The following GASK1B variants were observed in gnomAD, a reference collection of about 807,000 sequenced individuals.
GASK1B encodes golgi associated kinase 1B.
A neutral mutation model predicts 42.8 loss-of-function variants in GASK1B; 34 were observed. The ratio of observed to expected loss-of-function variants is 0.79; its 90% confidence interval spans 0.60 to 1.06. The LOEUF is 1.06. Among genes scored for constraint, GASK1B ranks in the 50% least tolerant of loss-of-function variants. The pLI is 0.00. For synonymous variants in GASK1B, 262 were observed against 259.1 expected, an observed-to-expected ratio of 1.01 and a Z score of -0.11; for missense variants, 686 against 661.0, an observed-to-expected ratio of 1.04 and a Z score of -0.42.
At chr4:158,144,319 G>C (rs1056179474) in intron 3 of GASK1B, among the ~76,000 whole-genome samples, 1 of 152,106 alleles carries the variant, frequency 6.6e-6, no homozygotes, top group African/African-American at 2.4e-5. Flanking sequence ...ATTATCTTAA[G>C]TAACATCATC....
At chr4:158,165,947 C>T (rs1732215386) in intron 2 of GASK1B, among the ~76,000 whole-genome samples, 3 of 152,158 alleles carry the variant, frequency 2.0e-5, no homozygotes, top group South Asian at 4.1e-4. Flanking sequence ...ATACATCACA[C>T]TAGATTCTTT....
chr4:158,169,977 T>A, intron 2 of GASK1B: 2 of 452,608 alleles, frequency 4.4e-6, no homozygotes, highest in Non-Finnish European at 7.8e-6. Flanking sequence ...AAAGGGGGGG[T>A]TAAACCTAAC....
intron 3 of GASK1B, among the ~76,000 whole-genome samples, chr4:158,144,909 C>T (rs1011420083): frequency 6.6e-6 from 1 of 152,182 alleles, no homozygotes; most frequent in African/African-American, 2.4e-5. Context: ...ATAAAACCAA[C>T]CCAAACTATT....
intron 3 of GASK1B, among the ~76,000 whole-genome samples, chr4:158,150,365 T>TA (rs11433439): frequency 0.88 from 134,332 of 152,094 alleles, 60,475 homozygotes; most frequent in East Asian, 0.98. Flanking sequence ...AGCAGCCCCT[T>TA]AGAGAATGGG....
At chr4:158,131,665 T>C (rs965737464) in intron 3 of GASK1B, among the ~76,000 whole-genome samples, 1 of 152,152 alleles carries the variant, frequency 6.6e-6, no homozygotes, top group Admixed American at 6.5e-5. Flanking sequence ...ACCAGATTAA[T>C]TAGAAAAAGA....
chr4:158,128,812 C>T (rs1219138863), intron 4 of GASK1B, among the ~76,000 whole-genome samples: 1 of 152,188 alleles, frequency 6.6e-6, no homozygotes, highest in Non-Finnish European at 1.5e-5. Flanking sequence ...TTATAAGATG[C>T]TCTGAGTTCC....
At chr4:158,171,788 AAAC>A (rs1326731777) in intron 1 of GASK1B, among the ~76,000 whole-genome samples, 189 bp from the exon 2 acceptor site, 9 of 152,258 alleles carry the variant, frequency 5.9e-5, no homozygotes, top group African/African-American at 2.2e-4. Flanking sequence ...AAAGTAGTGA[AAAC>A]AAGCCACAAA....
At chr4:158,138,294 G>A (rs560571779) in intron 3 of GASK1B, among the ~76,000 whole-genome samples, 13 of 152,172 alleles carry the variant, frequency 8.5e-5, no homozygotes, top group East Asian at 1.9e-4. Context: ...AGAGATACAT[G>A]AAAATAGTCT....
At chr4:158,133,483 A>G (rs561971845) in intron 3 of GASK1B, among the ~76,000 whole-genome samples, 1 of 152,256 alleles carries the variant, frequency 6.6e-6, no homozygotes, top group Non-Finnish European at 1.5e-5. Flanking sequence ...ACATAACTAC[A>G]TTTGTACTGT....
chr4:158,171,281 G>A lies in GASK1B; in HGVS notation c.95C>T (p.Pro32Leu). 8 of 1,613,820 alleles carry A rather than the reference G, an allele frequency of 5.0e-6. No homozygotes were observed. In the South Asian group the frequency reaches 8.8e-5, roughly 18 times the overall value. ...RVRKLWSSRR[P>L]RTRRNLLLGT... Reference sequence around the variant, plus strand: ...CAGCAGAAGGTTTCTCCGGGTCCTTGGACGCCGGCTGCTCCAGAGCTTACG... The same window carrying A: ...CAGCAGAAGGTTTCTCCGGGTCCTTAGACGCCGGCTGCTCCAGAGCTTACG... Residue 32 changes from proline (P) to leucine (L), a missense_variant, in exon 2 of 5, where the codon CCA becomes CTA. Physicochemically the swap from Pro to Leu is moderately conservative, Grantham distance 98. Coordinates refer to ENST00000585682, the MANE Select transcript of GASK1B (RefSeq NM_001128424.2).
At chr4:158,134,604 A>G (rs1730809783) in intron 3 of GASK1B, among the ~76,000 whole-genome samples, 1 of 152,214 alleles carries the variant, frequency 6.6e-6, no homozygotes, top group African/African-American at 2.4e-5. Flanking sequence ...CTTTCTTAGG[A>G]AAATACATTT....
At chr4:158,157,815 T>G (rs922918081) in intron 2 of GASK1B, among the ~76,000 whole-genome samples, 1 of 152,090 alleles carries the variant, frequency 6.6e-6, no homozygotes, top group Non-Finnish European at 1.5e-5. Context: ...GGGCTGTTTT[T>G]CTTCCCTTTA....
chr4:158,140,419 C>T (rs1553958546), intron 3 of GASK1B, among the ~76,000 whole-genome samples: 1 of 152,158 alleles, frequency 6.6e-6, no homozygotes, highest in Non-Finnish European at 1.5e-5. Context: ...CCTTAACCCT[C>T]TTTGAATATA....
At chr4:158,131,155 G>T in intron 3 of GASK1B, 143 bp from the exon 4 acceptor site, 1 of 656,348 alleles carries the variant, frequency 1.5e-6, no homozygotes, top group East Asian at 2.7e-5. Context: ...AAAGGCAACT[G>T]TCAGAACAAG....
At position 158,125,968 on chromosome 4, in the gene GASK1B, C is replaced by T. The variant is rs561162083; in HGVS notation, c.*1439G>A. 1 of 151,940 alleles carries T rather than the reference C, an allele frequency of 6.6e-6. No individual in the cohort carries two copies. The highest frequency in any genetic ancestry group is 1.9e-4 in the East Asian group (1 of 5,176). The allele number at this position is 151,940 out of a possible 1,614,324, so 9.4% of individuals were successfully genotyped here. ...CTCTTTCACACAGATATTGAGTTAA[C>T]CTTGACCAGAACAAAGAAAATGTGG... On this transcript the variant is annotated 3_prime_UTR_variant, in exon 5 of 5. Coordinates refer to ENST00000585682, the MANE Select transcript of GASK1B (RefSeq NM_001128424.2).
At chr4:158,166,521 A>G (rs1732236581) in intron 2 of GASK1B, among the ~76,000 whole-genome samples, 1 of 152,200 alleles carries the variant, frequency 6.6e-6, no homozygotes, top group South Asian at 2.1e-4. Flanking sequence ...TCCATTTCAT[A>G]ATTACTTTGG....
At chr4:158,143,479 C>G (rs12645131) in intron 3 of GASK1B, among the ~76,000 whole-genome samples, 1 of 151,980 alleles carries the variant, frequency 6.6e-6, no homozygotes, top group Non-Finnish European at 1.5e-5. Context: ...TGGGGAAGAC[C>G]AAAGACCAGG....
intron 4 of GASK1B, among the ~76,000 whole-genome samples, chr4:158,128,793 A>G (rs543577081): frequency 6.6e-6 from 1 of 152,332 alleles, no homozygotes; most frequent in South Asian, 2.1e-4. Flanking sequence ...GTGCGGAATG[A>G]AAGAATGTTT....
intron 3 of GASK1B, among the ~76,000 whole-genome samples, chr4:158,143,357 T>C (rs1229710463): frequency 6.6e-6 from 1 of 152,242 alleles, no homozygotes; most frequent in Non-Finnish European, 1.5e-5. Flanking sequence ...ATTTAAACTT[T>C]ATTTTCCAAT....
Sources: allele counts gnomAD v4.1 joint callset (sites outside exome capture counted in the v4.1 genomes callset), GRCh38; gene constraint gnomAD v4.1.1; transcripts MANE v1.5; gene names NCBI Gene and HGNC (gene_info 2026-07-23, HGNC 2026-07-21).